Variants in CTIF observed in about 807,000 individuals in gnomAD.
CTIF encodes cap binding complex dependent translation initiation factor, also known as CBP80/20-dependent translation initiation factor.
In CTIF, 21 loss-of-function variants were observed where a neutral mutation model predicts 66.0. That is an observed-to-expected ratio of 0.32 (90% confidence interval 0.23 to 0.46). The LOEUF (loss-of-function observed/expected upper bound fraction) is 0.46, where lower values mean the gene tolerates loss of function less well. CTIF is among the 20% of genes least tolerant of loss of function. CTIF has a pLI of 1.00. For missense variants in CTIF, 739 were observed against 812.7 expected, an observed-to-expected ratio of 0.91 and a Z score of 1.10; for synonymous variants, 345 against 326.4, an observed-to-expected ratio of 1.06 and a Z score of -0.62.
chr18:48,847,179 G>C (rs548091180), intron 10 of CTIF, among the ~76,000 whole-genome samples: 1 of 151,794 alleles, frequency 6.6e-6, no homozygotes, highest in African/African-American at 2.4e-5. Context: ...GTGGTGGTGC[G>C]TGCCTGTAGT....
chr18:48,599,430 C>T (rs1241001872), intron 1 of CTIF, among the ~76,000 whole-genome samples: 3 of 152,168 alleles, frequency 2.0e-5, no homozygotes, highest in Admixed American at 6.5e-5. Flanking sequence ...CCTAATACCA[C>T]CTCTGAAAGA....
intron 10 of CTIF, among the ~76,000 whole-genome samples, chr18:48,820,713 C>G (rs2068464886): frequency 6.6e-6 from 1 of 152,208 alleles, no homozygotes; most frequent in African/African-American, 2.4e-5. Context: ...GTCACTCACT[C>G]CATCCCCTGC....
Position 48,584,042 on chromosome 18 carries a change from T to G in CTIF, c.-28-35496T>G, listed in dbSNP as rs1272587804. Among the ~76,000 whole-genome samples, 38 of 152,134 alleles carry G rather than the reference T, an allele frequency of 2.5e-4. 2 individuals are homozygous for G. Among genetic ancestry groups the G allele is most frequent in the Admixed American group, 2.5e-3 (38 of 15,272 alleles). On this transcript the variant is annotated intron_variant, in intron 1 of 11. Coordinates refer to ENST00000256413, the MANE Select transcript of CTIF (RefSeq NM_014772.3). The stretch of plus-strand genomic sequence containing the variant: ...AATCGGAAATAGACATCTCTTATCT[T>G]GGTGGATGAATTTTGAAGAAAGCGG...
Position 48,758,358 on chromosome 18 carries a change from C to T in CTIF, c.1024C>T (p.Leu342=). 1 of 1,608,994 alleles carries T rather than the reference C, an allele frequency of 6.2e-7. No individual in the cohort carries two copies. The highest frequency in any genetic ancestry group is 8.5e-7 in the Non-Finnish European group (1 of 1,177,906). ...ERIGERPKIT[L]LQSSKDRLRR... is the part of the protein sequence containing the mutation. ...CATCGGGGAGCGGCCCAAAATTACC[C>T]TGCTCCAGTCTTCCAAAGACAGACT... Residue 342 remains leucine (L), a synonymous_variant, in exon 8 of 12, where the codon CTG becomes TTG. Transcript: ENST00000256413.
At chr18:48,792,422 G>A (rs1161903874) in intron 9 of CTIF, among the ~76,000 whole-genome samples, 1 of 152,192 alleles carries the variant, frequency 6.6e-6, no homozygotes, top group Non-Finnish European at 1.5e-5. Context: ...AGCAGGGAAG[G>A]CAAGGTCTGA....
At chr18:48,784,570 C>T (rs146511266) in intron 9 of CTIF, among the ~76,000 whole-genome samples, 58 of 152,148 alleles carry the variant, frequency 3.8e-4, no homozygotes, top group Non-Finnish European at 6.8e-4. Flanking sequence ...GCATCTTTGG[C>T]TCTCTCTCTG....
chr18:48,680,025 G>T (rs976256508), intron 6 of CTIF, among the ~76,000 whole-genome samples: 6 of 152,328 alleles, frequency 3.9e-5, no homozygotes, highest in Admixed American at 3.3e-4. Context: ...ACCAAATAGG[G>T]ACTCAGCCGA....
chr18:48,764,761 C>T (rs926828136), intron 9 of CTIF, among the ~76,000 whole-genome samples: 1 of 152,194 alleles, frequency 6.6e-6, no homozygotes, highest in African/African-American at 2.4e-5. Flanking sequence ...CACCACTCAC[C>T]CCTGTTTACC....
At chr18:48,774,873 A>G (rs1439903864) in intron 9 of CTIF, among the ~76,000 whole-genome samples, 1 of 152,204 alleles carries the variant, frequency 6.6e-6, no homozygotes, top group Non-Finnish European at 1.5e-5. Flanking sequence ...GAATAAGTGC[A>G]TTCTTGAGCA....
chr18:48,613,516 G>A (rs1250952340), intron 1 of CTIF, among the ~76,000 whole-genome samples: 2 of 152,220 alleles, frequency 1.3e-5, no homozygotes, highest in African/African-American at 4.8e-5. Context: ...GGGGACGCTA[G>A]TGTGGAGAGA....
At position 48,758,015 on chromosome 18, in the gene CTIF, C is replaced by G; in HGVS notation, c.681C>G (p.Tyr227Ter). The G allele has an allele frequency of 6.2e-7, 1 of 1,614,066 alleles. No homozygotes were observed. Among genetic ancestry groups the G allele is most frequent in the Non-Finnish European group, 8.5e-7 (1 of 1,180,000 alleles). Residue 227 changes from tyrosine (Y) to a stop codon, truncating the protein, a stop_gained, in exon 8 of 12, where the codon TAC becomes TAG. Coordinates refer to ENST00000256413, the MANE Select transcript of CTIF (RefSeq NM_014772.3). LOFTEE classifies it high-confidence loss of function. ...AKHNRDHQKSYQGGSAPHPSG... is the reference protein window; with the variant it reads ...AKHNRDHQKS ...ACAACAGGGACCACCAGAAATCCTACCAGGGGGGCTCAGCACCCCACCCCT... is the reference window on the plus strand; with the variant it reads ...ACAACAGGGACCACCAGAAATCCTAGCAGGGGGGCTCAGCACCCCACCCCT...
chr18:48,588,632 G>C (rs563399718), intron 1 of CTIF, among the ~76,000 whole-genome samples: 1 of 151,458 alleles, frequency 6.6e-6, no homozygotes, highest in Admixed American at 6.6e-5. Flanking sequence ...TGCCCGGCTC[G>C]CTCCACATCC....
chr18:48,774,160 T>C (rs767363492), intron 9 of CTIF, among the ~76,000 whole-genome samples: 3 of 152,086 alleles, frequency 2.0e-5, no homozygotes, highest in Non-Finnish European at 4.4e-5. Context: ...CTGAGGCCAA[T>C]CGGCATCATG....
chr18:48,832,596 G>T (rs982076020), intron 10 of CTIF, among the ~76,000 whole-genome samples: 1 of 152,202 alleles, frequency 6.6e-6, no homozygotes, highest in Non-Finnish European at 1.5e-5. Flanking sequence ...ACAGCAGCTC[G>T]ACAGAAATCG....
intron 1 of CTIF, among the ~76,000 whole-genome samples, chr18:48,546,423 C>A (rs754435405): frequency 6.6e-6 from 1 of 152,096 alleles, no homozygotes; most frequent in Non-Finnish European, 1.5e-5. Flanking sequence ...AAGGGGCATC[C>A]CAAGACTGAT....
At chr18:48,785,856 C>T (rs1911657920) in intron 9 of CTIF, among the ~76,000 whole-genome samples, 1 of 152,178 alleles carries the variant, frequency 6.6e-6, no homozygotes, top group Non-Finnish European at 1.5e-5. Context: ...GGTAGGACCC[C>T]CGCATCAACA....
At position 48,571,017 on chromosome 18, in the gene CTIF, A is replaced by C. The variant is rs200600613; in HGVS notation, c.-29+31705A>C. Among the ~76,000 whole-genome samples the C allele has an allele frequency of 1.2e-3, 184 of 152,358 alleles. 1 individual carries two copies. The highest frequency in any genetic ancestry group is 7.4e-3 in the Admixed American group (114 of 15,308). On this transcript the variant is annotated intron_variant, in intron 1 of 11. Transcript: ENST00000256413. ...GGATTGTATACTTTAAGATGCCTAA[A>C]GTAGTTAATTTCATGTTACATGAAT...
intron 6 of CTIF, among the ~76,000 whole-genome samples, chr18:48,674,530 A>G (rs1229930906): frequency 6.6e-6 from 1 of 152,232 alleles, no homozygotes; most frequent in Non-Finnish European, 1.5e-5. Context: ...TGGGGGTCAG[A>G]TGCTGACACC....
At position 48,675,798 on chromosome 18, in the gene CTIF, G is replaced by A. The variant is rs1343721703; in HGVS notation, c.507+5054G>A. Reference sequence around the variant, plus strand: ...AACACCCACTGGGGTGGGGCTGGGGGAGTTACAAAGTGTTGGCTTCCGCCC... The same window carrying A: ...AACACCCACTGGGGTGGGGCTGGGGAAGTTACAAAGTGTTGGCTTCCGCCC... On this transcript the variant is annotated intron_variant, in intron 6 of 11. Coordinates refer to ENST00000256413, the MANE Select transcript of CTIF (RefSeq NM_014772.3). 2.0e-5 allele frequency among the ~76,000 whole-genome samples: 3 copies of A among 152,214 alleles called. No homozygotes were observed. The East Asian group carries it at 5.8e-4, about 29-fold the overall frequency.
Sources: allele counts gnomAD v4.1 joint callset (sites outside exome capture counted in the v4.1 genomes callset), GRCh38; gene constraint gnomAD v4.1.1; transcripts MANE v1.5; gene names NCBI Gene and HGNC (gene_info 2026-07-23, HGNC 2026-07-21).